The following MOB4 variants were observed in gnomAD, a reference collection of about 807,000 sequenced individuals.
MOB4 encodes MOB family member 4, phocein.
A neutral mutation model predicts 32.2 loss-of-function variants in MOB4; 4 were observed. The ratio of observed to expected loss-of-function variants is 0.12; its 90% CI spans 0.06 to 0.28. MOB4 has a LOEUF of 0.28. Among genes scored for constraint, MOB4 ranks in the 10% least tolerant of loss-of-function variants. The probability of loss-of-function intolerance (pLI) is 1.00; values close to 1 mark genes in which losing one functional copy is unlikely to be tolerated. For missense variants in MOB4, 158 were observed against 271.2 expected (o/e 0.58, Z 2.93); for synonymous variants, 88 against 88.1 (o/e 1.00, Z 0.01).
chr2:197,515,928 T>C, upstream of MOB4: 3 of 697,448 alleles, frequency 4.3e-6, no homozygotes, highest in Non-Finnish European at 7.0e-6. Flanking sequence ...TCCCTCCGCC[T>C]AGCCCGCTTC....
upstream of MOB4, chr2:197,515,997 C>T: frequency 7.3e-7 from 1 of 1,369,004 alleles, no homozygotes. Context: ...CTCCTCCTCC[C>T]AGACGCAGAG....
intron 5 of MOB4, among the ~76,000 whole-genome samples, chr2:197,546,457 C>A (rs1264181628): frequency 2.0e-5 from 3 of 152,036 alleles, no homozygotes; most frequent in African/African-American, 7.3e-5. Flanking sequence ...AATGCAGTGG[C>A]CTGATCTTGG....
At chr2:197,529,097 C>T (rs143267241) in intron 2 of MOB4, among the ~76,000 whole-genome samples, 135 of 151,922 alleles carry the variant, frequency 8.9e-4, no homozygotes, top group African/African-American at 3.1e-3. Context: ...CCTGCCTCAG[C>T]CTCTCGAGTA....
intron 5 of MOB4, among the ~76,000 whole-genome samples, chr2:197,544,764 A>G (rs1326523695): frequency 1.3e-5 from 2 of 151,898 alleles, no homozygotes; most frequent in African/African-American, 4.8e-5. Context: ...AAAAAAAAAA[A>G]AGGGTCAAAA....
intron 1 of MOB4, among the ~76,000 whole-genome samples, chr2:197,518,087 G>A (rs2086447254): frequency 6.6e-6 from 1 of 151,782 alleles, no homozygotes; most frequent in Non-Finnish European, 1.5e-5. Flanking sequence ...GTTGCAGTGA[G>A]CCGGAATCGC....
At position 197,518,577 on chromosome 2, in the gene MOB4, G is replaced by T. The variant is rs866996439; in HGVS notation, c.60+2431G>T. Among the ~76,000 whole-genome samples the T allele has an allele frequency of 2.9e-3, 422 of 145,692 alleles. 3 individuals carry two copies. Among genetic ancestry groups the T allele is most frequent in the South Asian group, 9.0e-3 (40 of 4,448 alleles). On this transcript the variant is annotated intron_variant, in intron 1 of 7. Coordinates refer to ENST00000323303, the MANE Select transcript of MOB4 (RefSeq NM_015387.5). ...GCACCTGGAGGTTTTTTTTTTTTGT[G>T]TGTGAGGCAGAGTCTCGTTCTGTCG... is the stretch of plus-strand genomic sequence containing the variant.
chr2:197,543,841 C>T (rs1420929931), intron 5 of MOB4, among the ~76,000 whole-genome samples: 17 of 151,766 alleles, frequency 1.1e-4, no homozygotes, highest in African/African-American at 3.9e-4. Context: ...CAGGTTCAGG[C>T]GATTCTCCTG....
intron 5 of MOB4, among the ~76,000 whole-genome samples, chr2:197,544,910 T>G (rs984494563): frequency 6.6e-6 from 1 of 152,192 alleles, no homozygotes; most frequent in Non-Finnish European, 1.5e-5. Context: ...TAACAAGTGC[T>G]GACGGGGATG....
At chr2:197,543,110 G>T (rs994422076) in intron 5 of MOB4, among the ~76,000 whole-genome samples, 1 of 152,222 alleles carries the variant, frequency 6.6e-6, no homozygotes, top group African/African-American at 2.4e-5. Flanking sequence ...TAGCCAACAT[G>T]GTGAAACCCC....
chr2:197,547,520 C>A (rs1354750088), intron 5 of MOB4, among the ~76,000 whole-genome samples: 2 of 152,064 alleles, frequency 1.3e-5, no homozygotes, highest in Non-Finnish European at 2.9e-5. Context: ...AAAAATACTT[C>A]TTTTTTATTA....
rs529599743 is a variant in MOB4 at position 197,548,817 on chromosome 2, A to G, written c.434+402A>G. 1.2e-4 allele frequency among the ~76,000 whole-genome samples: 18 copies of G among 152,174 alleles called. No homozygotes were observed. In the South Asian group the frequency reaches 2.9e-3, roughly 25 times the overall value. On this transcript the variant is annotated intron_variant, in intron 6 of 7. Transcript: ENST00000323303. ...CAGTCTAAGGCTAGTACCTGTTCAT[A>G]TATGTCATTCTGCAGAGCTCTCCCT...
At chr2:197,524,170 G>T (rs2086568531) in intron 2 of MOB4, among the ~76,000 whole-genome samples, 1 of 152,046 alleles carries the variant, frequency 6.6e-6, no homozygotes, top group Non-Finnish European at 1.5e-5. Flanking sequence ...CTACTTCAAG[G>T]GTCTAATGAG....
chr2:197,529,806 A>T (rs750785290), intron 2 of MOB4, among the ~76,000 whole-genome samples: 1 of 151,662 alleles, frequency 6.6e-6, no homozygotes, highest in Non-Finnish European at 1.5e-5. Context: ...GGCGCACACC[A>T]CCGTGCCCAG....
intron 2 of MOB4, among the ~76,000 whole-genome samples, chr2:197,534,511 G>A (rs937977952): frequency 6.6e-6 from 1 of 152,014 alleles, no homozygotes; most frequent in Admixed American, 6.6e-5. Flanking sequence ...GGGTTGCACA[G>A]CCATCACTAC....
chr2:197,540,007 G>A, intron 3 of MOB4, 104 bp from the exon 4 acceptor site: 2 of 1,233,368 alleles, frequency 1.6e-6, no homozygotes, highest in Non-Finnish European at 2.2e-6. Context: ...ATGGTAATGA[G>A]GGAGGAGGGA....
chr2:197,533,971 A>G (rs2086753034), intron 2 of MOB4: 4 of 551,928 alleles, frequency 7.2e-6, no homozygotes, highest in South Asian at 5.7e-5. Flanking sequence ...TCTAGAAGGA[A>G]TTTTACATGA....
chr2:197,533,805 G>A, intron 2 of MOB4: 1 of 585,348 alleles, frequency 1.7e-6, no homozygotes. Flanking sequence ...TCTTTGCCAT[G>A]CCTTCCCACA....
chr2:197,527,803 TC>T (rs1382045873), intron 2 of MOB4, among the ~76,000 whole-genome samples: 1 of 152,192 alleles, frequency 6.6e-6, no homozygotes, highest in East Asian at 1.9e-4. Flanking sequence ...TGGGGAAATT[TC>T]CTTTTAAACC....
At chr2:197,518,994 G>A (rs910040157) in intron 1 of MOB4, among the ~76,000 whole-genome samples, 2 of 151,902 alleles carry the variant, frequency 1.3e-5, no homozygotes, top group Non-Finnish European at 2.9e-5. Context: ...TCCTGATCTC[G>A]TGATCCGCCC....
Sources: gnomAD v4.1 joint callset for allele counts (sites outside exome capture counted in the v4.1 genomes callset) on GRCh38, gnomAD v4.1.1 for gene constraint, MANE v1.5 for transcripts, NCBI Gene and HGNC (gene_info 2026-07-23, HGNC 2026-07-21) for gene names.